Variants in TANGO6 observed in about 807,000 individuals in gnomAD.
TANGO6 encodes transport and golgi organization 6 homolog.
A neutral mutation model predicts 114.2 loss-of-function variants in TANGO6; 90 were observed. That is an observed-to-expected ratio of 0.79 (90% CI 0.66 to 0.94). The LOEUF is 0.94. TANGO6 is among the 40% of genes least tolerant of loss of function. The pLI is 0.00. For missense variants in TANGO6, 1,274 were observed against 1,315.3 expected (o/e 0.97, Z 0.49); for synonymous variants, 477 against 509.8 (o/e 0.94, Z 0.87).
At chr16:68,904,009 G>A (rs1962817687) in intron 9 of TANGO6, among the ~76,000 whole-genome samples, 1 of 152,054 alleles carries the variant, frequency 6.6e-6, no homozygotes, top group Admixed American at 6.6e-5. Flanking sequence ...TACTTTTCTG[G>A]AATTAAATAT....
intron 16 of TANGO6, among the ~76,000 whole-genome samples, chr16:69,027,158 G>A (rs1008609680): frequency 6.6e-6 from 1 of 152,134 alleles, no homozygotes; most frequent in Non-Finnish European, 1.5e-5. Context: ...CACCGCGCCC[G>A]GGCCTGAGAG....
chr16:68,998,765 A>C (rs1292679862), intron 15 of TANGO6, among the ~76,000 whole-genome samples: 2 of 152,044 alleles, frequency 1.3e-5, no homozygotes, highest in African/African-American at 4.8e-5. Flanking sequence ...TTGCAAAATA[A>C]GTTTTAGTCT....
chr16:69,070,233 G>A (rs1303911292), intron 17 of TANGO6, among the ~76,000 whole-genome samples: 2 of 151,832 alleles, frequency 1.3e-5, no homozygotes, highest in African/African-American at 4.8e-5. Context: ...GAAAAGAAAA[G>A]AAAGTAGTGA....
intron 9 of TANGO6, 26 bp downstream of exon 9, chr16:68,902,530 C>A: frequency 1.3e-6 from 2 of 1,574,304 alleles, no homozygotes; most frequent in Admixed American, 1.9e-5. Context: ...CGTTACTGTT[C>A]TCTTCAGATT....
In TANGO6 at chr16:68,927,962, A is replaced by G. The variant is rs550205221; in HGVS notation, c.2522A>G (p.Glu841Gly). The G allele has an allele frequency of 6.2e-7, 1 of 1,613,722 alleles. No homozygotes were observed. Among genetic ancestry groups the G allele is most frequent in the African/African-American group, 1.3e-5 (1 of 75,036 alleles). The change falls in exon 13 of 18, where the codon GAG becomes GGG. Residue 841 changes from glutamate to glycine, a missense_variant. Physicochemically the swap from Glu to Gly is moderately conservative, Grantham distance 98. Transcript: ENST00000261778. ...AGCGTAACCACAGAACAGCTCCAAGAGGTTCTTTTGTCAGCTTATGACCCT... is the reference window on the plus strand; with the variant it reads ...AGCGTAACCACAGAACAGCTCCAAGGGGTTCTTTTGTCAGCTTATGACCCT... ...SGSVTTEQLQEVLLSAYDPQI... is the reference protein window; with the variant it reads ...SGSVTTEQLQGVLLSAYDPQI...
At chr16:68,915,999 C>T (rs1567539020) in intron 11 of TANGO6, among the ~76,000 whole-genome samples, 1 of 152,102 alleles carries the variant, frequency 6.6e-6, no homozygotes, top group Non-Finnish European at 1.5e-5. Context: ...TATTTGTGTG[C>T]TGTCATTTAT....
intron 15 of TANGO6, among the ~76,000 whole-genome samples, chr16:69,003,404 T>C (rs1964062765): frequency 6.6e-6 from 1 of 152,168 alleles, no homozygotes; most frequent in Admixed American, 6.5e-5. Context: ...CAGGCCACCA[T>C]CACAAAAGAG....
rs1407149760 is a variant in TANGO6, at chr16:69,045,393, A to T, written c.3108+4972A>T. ...TGGGAGGCAGAGCTTGCAGTGAGCCAAGATCGAGCCACTGCACTCCAGCCT... is the reference window on the plus strand; with the variant it reads ...TGGGAGGCAGAGCTTGCAGTGAGCCTAGATCGAGCCACTGCACTCCAGCCT... On this transcript the variant is annotated intron_variant, in intron 17 of 17. Coordinates refer to ENST00000261778, the MANE Select transcript of TANGO6 (RefSeq NM_024562.2). Among the ~76,000 whole-genome samples the T allele has an allele frequency of 3.7e-4, 50 of 133,938 alleles. 1 individual carries two copies. The highest frequency in any genetic ancestry group is 1.4e-3 in the African/African-American group (48 of 34,962). The allele number at this position is 133,938 out of a possible 152,430, so 87.9% of individuals were successfully genotyped here. A position where few individuals can be genotyped will look rare whatever the true frequency, so the allele number is the denominator to read the frequency against.
intron 16 of TANGO6, among the ~76,000 whole-genome samples, chr16:69,038,887 A>G (rs544544654): frequency 1.3e-5 from 2 of 152,204 alleles, no homozygotes; most frequent in South Asian, 2.1e-4. Context: ...TACTAAAAAT[A>G]CAAAAATTTA....
chr16:68,899,870 A>G (rs1962760140), intron 7 of TANGO6, among the ~76,000 whole-genome samples: 1 of 152,128 alleles, frequency 6.6e-6, no homozygotes, highest in Non-Finnish European at 1.5e-5. Flanking sequence ...AAATTCTGGG[A>G]TTACAGACAT....
At chr16:68,871,921 A>T (rs1962277099) in intron 4 of TANGO6, among the ~76,000 whole-genome samples, 1 of 152,144 alleles carries the variant, frequency 6.6e-6, no homozygotes. Flanking sequence ...TGCCTGGCCA[A>T]GGGCAAATTT....
intron 9 of TANGO6, among the ~76,000 whole-genome samples, chr16:68,903,886 C>T (rs1046645183): frequency 1.3e-5 from 2 of 150,584 alleles, no homozygotes; most frequent in Non-Finnish European, 2.9e-5. Flanking sequence ...TGCGCCACTG[C>T]ACTTCAGCCT....
chr16:69,058,768 C>T (rs1190671881), intron 17 of TANGO6, among the ~76,000 whole-genome samples: 6 of 151,684 alleles, frequency 4.0e-5, no homozygotes, highest in Non-Finnish European at 8.8e-5. Flanking sequence ...CGTGTTCACA[C>T]CATTCTCCTG....
At chr16:68,999,934 T>G (rs886492001) in intron 15 of TANGO6, among the ~76,000 whole-genome samples, 2 of 152,226 alleles carry the variant, frequency 1.3e-5, no homozygotes, top group African/African-American at 4.8e-5. Context: ...AGATGTATAT[T>G]GAAGAGTGCT....
chr16:68,845,092 C>T (rs1028964085), intron 1 of TANGO6, among the ~76,000 whole-genome samples: 2 of 151,908 alleles, frequency 1.3e-5, no homozygotes, highest in Non-Finnish European at 2.9e-5. Context: ...TTCAGCCTCC[C>T]GAGTAGCTGG....
At chr16:69,007,550 C>T (rs759354500) in intron 15 of TANGO6, among the ~76,000 whole-genome samples, 1 of 152,124 alleles carries the variant, frequency 6.6e-6, no homozygotes, top group East Asian at 1.9e-4. Flanking sequence ...CAGGAGTGAG[C>T]CACTGTGCCC....
intron 14 of TANGO6, among the ~76,000 whole-genome samples, chr16:68,973,294 T>C (rs1304837651): frequency 1.3e-5 from 2 of 152,194 alleles, no homozygotes; most frequent in African/African-American, 4.8e-5. Context: ...GTCACTGTTC[T>C]TTATAGTGTG....
intron 7 of TANGO6, among the ~76,000 whole-genome samples, chr16:68,882,587 C>G (rs1051472200): frequency 6.6e-6 from 1 of 152,030 alleles, no homozygotes; most frequent in Non-Finnish European, 1.5e-5. Flanking sequence ...CACAAGGGAT[C>G]TTTTGATGAC....
chr16:69,009,210 T>G (rs1020975602), intron 15 of TANGO6, among the ~76,000 whole-genome samples: 2 of 147,632 alleles, frequency 1.4e-5, no homozygotes, highest in African/African-American at 5.0e-5. Flanking sequence ...GCCTCCCAAA[T>G]AGCTGGGATT....
Sources: allele counts gnomAD v4.1 joint callset (sites outside exome capture counted in the v4.1 genomes callset), GRCh38; gene constraint gnomAD v4.1.1; transcripts MANE v1.5; gene names NCBI Gene and HGNC (gene_info 2026-07-23, HGNC 2026-07-21).